Variants in DHRS7C observed in about 807,000 individuals in gnomAD.
DHRS7C encodes dehydrogenase/reductase 7C.
Under a neutral mutation model 29.6 loss-of-function variants are expected in DHRS7C, and 28 were observed. That is an observed-to-expected ratio of 0.95 (90% CI 0.70 to 1.30). The LOEUF (loss-of-function observed/expected upper bound fraction) is 1.30, where lower values mean the gene tolerates loss of function less well. Ranked by LOEUF, DHRS7C falls within the 50% of genes most tolerant of loss-of-function variation. The probability of loss-of-function intolerance (pLI) is 0.00; values close to 1 mark genes in which losing one functional copy is unlikely to be tolerated. For synonymous variants in DHRS7C, 158 were observed against 160.2 expected, an observed-to-expected ratio of 0.99 and a Z score of 0.10; for missense variants, 403 against 393.3, an observed-to-expected ratio of 1.02 and a Z score of -0.21.
chr17:9,773,975 G>C (rs1248007024), intron 4 of DHRS7C, among the ~76,000 whole-genome samples: 3 of 152,014 alleles, frequency 2.0e-5, no homozygotes, highest in Admixed American at 1.3e-4. Context: ...TGCCTGTCTT[G>C]GCCTCCCAAA....
At chr17:9,786,462 G>A (rs909513100) in intron 1 of DHRS7C, among the ~76,000 whole-genome samples, 2 of 151,390 alleles carry the variant, frequency 1.3e-5, no homozygotes, top group Admixed American at 6.6e-5. Context: ...ACTGTCTCAC[G>A]ACACCCTTGA....
At chr17:9,772,180 T>G (rs755627374) in intron 5 of DHRS7C, among the ~76,000 whole-genome samples, 109 of 152,288 alleles carry the variant, frequency 7.2e-4, no homozygotes, top group Non-Finnish European at 1.2e-3. Context: ...TAAGGTGCAC[T>G]GATTGATAGA....
In DHRS7C at chr17:9,771,537, A is replaced by C. The variant is rs756759790; in HGVS notation, c.887T>G (p.Val296Gly). ...RTFFPEFFFA[V>G]VACGVKEKLN... is the part of the protein sequence containing the mutation. ...CTTCTCCTTCACCCCACAGGCCACC[A>C]CGGCGAAAAAGAACTCCGGGAAGAA... The change falls in exon 6 of 6, where the codon GTG (valine) becomes GGG (glycine). Residue 296 changes from valine to glycine, a missense_variant. By Grantham distance (109) the Val-to-Gly change is moderately radical (BLOSUM62 -3). Coordinates refer to ENST00000571134, the MANE Select transcript of DHRS7C (RefSeq NM_001105571.3). 33 of 1,588,252 alleles carry C rather than the reference A, an allele frequency of 2.1e-5. No homozygotes were observed. The highest frequency in any genetic ancestry group is 2.7e-5 in the Non-Finnish European group (32 of 1,165,184).
Position 9,771,683 on chromosome 17 carries a change from C to T in DHRS7C, c.741G>A (p.Lys247=). 6.7e-7 allele frequency: 1 copy of T among 1,501,938 alleles called. No individual in the cohort carries two copies. The highest frequency in any genetic ancestry group is 8.9e-7 in the Non-Finnish European group (1 of 1,119,754). The allele number at this position is 1,501,938 out of a possible 1,614,324, so 93.0% of individuals were successfully genotyped here. A position where few individuals can be genotyped will look rare whatever the true frequency, so the allele number is the denominator to read the frequency against. The change falls in exon 6 of 6, where the codon AAG becomes AAA. Residue 247 remains lysine, a synonymous_variant. Coordinates refer to ENST00000571134, the MANE Select transcript of DHRS7C (RefSeq NM_001105571.3). ...CTACTGGGTGCACGCCGTAGGTCAG[C>T]TTCCTGAAAAAGACTGAAAGGCCCC... ...EASIWKFFFR[K]LTYGVHPVEV...
chr17:9,773,332 C>T (rs531084435), intron 4 of DHRS7C, among the ~76,000 whole-genome samples: 3 of 152,136 alleles, frequency 2.0e-5, no homozygotes, highest in Non-Finnish European at 4.4e-5. Context: ...GTCCAAGGTC[C>T]GGGGCCAGCT....
intron 3 of DHRS7C, among the ~76,000 whole-genome samples, chr17:9,779,133 T>G (rs771625321): frequency 6.6e-6 from 1 of 152,072 alleles, no homozygotes; most frequent in African/African-American, 2.4e-5. Context: ...TGGTCTCGAA[T>G]TCCTGACTTC....
chr17:9,790,967 A>T (rs185306554), intron 1 of DHRS7C, among the ~76,000 whole-genome samples, 164 bp downstream of exon 1: 1 of 152,270 alleles, frequency 6.6e-6, no homozygotes, highest in East Asian at 1.9e-4. Context: ...CCTCCAAAAG[A>T]TGGGAAACTT....
rs890996726 is a variant in DHRS7C at position 9,771,449 on chromosome 17, C to A, written c.*39G>T. The A allele has an allele frequency of 2.1e-6, 3 of 1,437,564 alleles. No individual in the cohort carries two copies. The African/African-American group carries it at 4.4e-5, about 21-fold the overall frequency. 89.1% of individuals were successfully genotyped at this position (1,437,564 alleles called of 1,614,324 possible). On this transcript the variant is annotated 3_prime_UTR_variant, in exon 6 of 6. Coordinates refer to ENST00000571134, the MANE Select transcript of DHRS7C (RefSeq NM_001105571.3). ...GAAGCGCCAGCACCTGCCAGAAAAA[C>A]CTTTATTTCCAAGGGGTGGCCCATT... is the stretch of plus-strand genomic sequence containing the variant.
At chr17:9,785,772 T>C (rs76771070) in intron 1 of DHRS7C, among the ~76,000 whole-genome samples, 20,878 of 152,168 alleles carry the variant, frequency 0.14, 1,626 homozygotes, top group Non-Finnish European at 0.19. Context: ...AGCCATCTTA[T>C]AGCACTGTCA....
At chr17:9,772,667 C>T (rs2066337232) in intron 5 of DHRS7C, 100 bp downstream of exon 5, 1 of 1,446,476 alleles carries the variant, frequency 6.9e-7, no homozygotes, top group Non-Finnish European at 9.3e-7. Flanking sequence ...TCCCCAGACT[C>T]ATGTTTCAGG....
intron 1 of DHRS7C, among the ~76,000 whole-genome samples, chr17:9,786,328 A>AAATAATAATAATAAT (rs200610370): frequency 1.4e-5 from 2 of 138,194 alleles, no homozygotes; most frequent in Middle Eastern, 3.6e-3. Context: ...ACTCCGTCTC[A>AAATAATAATAATAAT]AATAATAATA....
At chr17:9,785,441 A>T (rs1049618931) in intron 1 of DHRS7C, among the ~76,000 whole-genome samples, 1 of 152,200 alleles carries the variant, frequency 6.6e-6, no homozygotes, top group African/African-American at 2.4e-5. Flanking sequence ...GGACCTCTTC[A>T]TTGGGGGTGG....
intron 1 of DHRS7C, among the ~76,000 whole-genome samples, chr17:9,788,748 T>G (rs562178810): frequency 1.3e-5 from 2 of 152,304 alleles, no homozygotes; most frequent in East Asian, 3.9e-4. Context: ...ATCCACTCAG[T>G]GCCCTGGACT....
At chr17:9,783,965 T>A (rs1057093324) in intron 1 of DHRS7C, among the ~76,000 whole-genome samples, 1 of 143,120 alleles carries the variant, frequency 7.0e-6, no homozygotes. Context: ...GTTTTTTTTT[T>A]TAAAATGGTA....
intron 1 of DHRS7C, among the ~76,000 whole-genome samples, chr17:9,787,216 G>T (rs2066429019): frequency 6.6e-6 from 1 of 152,244 alleles, no homozygotes; most frequent in African/African-American, 2.4e-5. Context: ...AAAGTGCTGG[G>T]ATTACAGGCA....
chr17:9,771,923 C>T (rs952819566), intron 5 of DHRS7C, among the ~76,000 whole-genome samples: 10 of 152,206 alleles, frequency 6.6e-5, no homozygotes, highest in Admixed American at 6.5e-4. Flanking sequence ...GGTTTCCTGC[C>T]CTGATAATTT....
intron 1 of DHRS7C, among the ~76,000 whole-genome samples, chr17:9,785,606 G>A (rs2066418842): frequency 6.6e-6 from 1 of 152,172 alleles, no homozygotes; most frequent in South Asian, 2.1e-4. Context: ...GGGAACCAGG[G>A]GCTAAGGAGG....
At chr17:9,780,151 GAAA>G (rs11289724) in intron 2 of DHRS7C, 116 bp from the exon 3 acceptor site, 97 of 628,612 alleles carry the variant, frequency 1.5e-4, no homozygotes, top group Admixed American at 7.6e-4. Context: ...TGAAATGACT[GAAA>G]AAAAAAAAAA....
At chr17:9,778,009 G>A (rs988554229) in intron 3 of DHRS7C, among the ~76,000 whole-genome samples, 5 of 152,096 alleles carry the variant, frequency 3.3e-5, no homozygotes, top group African/African-American at 7.2e-5. Context: ...TAGTATAGGC[G>A]GAATGGGGAT....
Sources: allele counts gnomAD v4.1 joint callset (sites outside exome capture counted in the v4.1 genomes callset), GRCh38; gene constraint gnomAD v4.1.1; transcripts MANE v1.5; gene names NCBI Gene and HGNC (gene_info 2026-07-23, HGNC 2026-07-21).